LIPC: variants seen among roughly 807,000 people sequenced by gnomAD.
The protein encoded by LIPC is lipase C, hepatic type, also known as hepatic triacylglycerol lipase.
LIPC carries 44 observed loss-of-function variants against 50.7 expected under a neutral mutation model. The ratio of observed to expected loss-of-function variants is 0.87; its 90% confidence interval spans 0.68 to 1.11. LIPC has a LOEUF of 1.11. Among genes scored for constraint, LIPC ranks in the 50% most tolerant of loss-of-function variants. The pLI is 0.00. For missense variants in LIPC, 697 were observed against 648.2 expected, an observed-to-expected ratio of 1.08 and a Z score of -0.82; for synonymous variants, 271 against 256.4, an observed-to-expected ratio of 1.06 and a Z score of -0.54.
intron 1 of LIPC, among the ~76,000 whole-genome samples, chr15:58,493,721 T>A (rs1379238889): frequency 6.7e-6 from 1 of 148,570 alleles, no homozygotes; most frequent in African/African-American, 2.4e-5. Flanking sequence ...TATATTTGTA[T>A]ATGTGAAATA....
At chr15:58,542,795 T>C (rs548303798) in intron 4 of LIPC, 144 bp downstream of exon 4, 1 of 659,108 alleles carries the variant, frequency 1.5e-6, no homozygotes, top group East Asian at 2.9e-5. Context: ...TGTGACATTC[T>C]TTCAAACATG....
At chr15:58,462,167 G>A (rs141109000) in intron 1 of LIPC, among the ~76,000 whole-genome samples, 1 of 152,286 alleles carries the variant, frequency 6.6e-6, no homozygotes, top group Non-Finnish European at 1.5e-5. Flanking sequence ...ATTGTTGACT[G>A]CTTGTTCATA....
At chr15:58,438,995 C>T (rs1480327944) in intron 1 of LIPC, among the ~76,000 whole-genome samples, 2 of 152,212 alleles carry the variant, frequency 1.3e-5, no homozygotes, top group African/African-American at 2.4e-5. Flanking sequence ...TTGTCTACAG[C>T]GTTTTCACCT....
intron 1 of LIPC, among the ~76,000 whole-genome samples, chr15:58,489,781 C>T (rs2414581): frequency 0.089 from 13,580 of 152,180 alleles, 760 homozygotes; most frequent in Non-Finnish European, 0.13. Flanking sequence ...ACCTTCTGGC[C>T]TTTCACTGGT....
At chr15:58,562,974 A>G (rs1421955053) in intron 7 of LIPC, among the ~76,000 whole-genome samples, 5 of 152,236 alleles carry the variant, frequency 3.3e-5, no homozygotes, top group African/African-American at 7.2e-5. Context: ...AAAGCTGATC[A>G]TGATACCTCA....
chr15:58,517,117 C>A (rs1892508620), intron 1 of LIPC, among the ~76,000 whole-genome samples: 1 of 152,224 alleles, frequency 6.6e-6, no homozygotes, highest in Admixed American at 6.5e-5. Flanking sequence ...GACAAAATAT[C>A]CATGTCCCAC....
rs114127971 is a variant in LIPC at position 58,547,345 on chromosome 15, G to A, written c.809-985G>A. ...GATGTCTTGGAAGCTCAGTTTTCTC[G>A]TCGAAAACAGCGGCCTCAAGGAGCT... is the stretch of plus-strand genomic sequence containing the variant. On this transcript the variant is annotated intron_variant, in intron 5 of 8. Transcript: ENST00000299022. Among the ~76,000 whole-genome samples the A allele has an allele frequency of 2.2e-3, 328 of 152,276 alleles. 1 individual carries two copies. The highest frequency in any genetic ancestry group is 7.6e-3 in the African/African-American group (315 of 41,564).
At position 58,482,477 on chromosome 15, in the gene LIPC, A is replaced by T. The variant is rs141518847; in HGVS notation, c.88+50357A>T. ...ACCTGAGTCTTCAATAGTTGACCTA[A>T]CCTCTCTAGGTCTTATGGCTTCATC... On this transcript the variant is annotated intron_variant, in intron 1 of 8. Transcript: ENST00000299022. Among the ~76,000 whole-genome samples, 513 of 152,084 alleles carry T rather than the reference A, an allele frequency of 3.4e-3. 2 individuals carry two copies. Among genetic ancestry groups the T allele is most frequent in the African/African-American group, 9.8e-3 (406 of 41,482 alleles).
intron 1 of LIPC, among the ~76,000 whole-genome samples, chr15:58,482,465 A>G (rs1461298165): frequency 6.6e-6 from 1 of 152,196 alleles, no homozygotes; most frequent in Non-Finnish European, 1.5e-5. Context: ...TGAGTCTTCA[A>G]TAGTTGACCT....
At position 58,483,200 on chromosome 15, in the gene LIPC, G is replaced by A. The variant is rs116422997; in HGVS notation, c.88+51080G>A. Among the ~76,000 whole-genome samples the A allele has an allele frequency of 3.0e-3, 455 of 152,272 alleles. 3 individuals are homozygous for A. The highest frequency in any genetic ancestry group is 0.01 in the African/African-American group (418 of 41,534). ...ATTTTTAGCATTACTGAAATTCAAT[G>A]TAAATCACAGTGGCCATATAGAGTT... On this transcript the variant is annotated intron_variant, in intron 1 of 8. Transcript: ENST00000299022.
intron 1 of LIPC, among the ~76,000 whole-genome samples, chr15:58,514,888 T>C (rs1225491222): frequency 6.6e-6 from 1 of 152,244 alleles, no homozygotes; most frequent in African/African-American, 2.4e-5. Flanking sequence ...AACAAATTAC[T>C]ACAAATTTAA....
intron 4 of LIPC, among the ~76,000 whole-genome samples, chr15:58,543,639 AT>A (rs1269517459): frequency 2.0e-5 from 3 of 151,356 alleles, no homozygotes; most frequent in Admixed American, 6.6e-5. Context: ...AAGTGAGGAC[AT>A]TTTTTTTTCT....
chr15:58,455,323 C>T (rs372137647), intron 1 of LIPC, among the ~76,000 whole-genome samples: 2 of 152,208 alleles, frequency 1.3e-5, no homozygotes, highest in East Asian at 1.9e-4. Flanking sequence ...AGACAATAGA[C>T]ACACAAATGG....
chr15:58,505,986 A>T (rs1326555948), intron 1 of LIPC, among the ~76,000 whole-genome samples: 3 of 152,096 alleles, frequency 2.0e-5, no homozygotes, highest in African/African-American at 7.2e-5. Context: ...CTTTGGATAG[A>T]GGAATTCCAC....
At chr15:58,460,041 T>C (rs1894283000) in intron 1 of LIPC, among the ~76,000 whole-genome samples, 1 of 152,124 alleles carries the variant, frequency 6.6e-6, no homozygotes, top group Admixed American at 6.5e-5. Context: ...GCTGTATGGG[T>C]CCCGTACTGC....
intron 1 of LIPC, 24 bp downstream of exon 1, chr15:58,432,144 A>T: frequency 6.6e-7 from 1 of 1,519,290 alleles, no homozygotes; most frequent in Non-Finnish European, 9.1e-7. Flanking sequence ...TTTTCTCCAG[A>T]GATGGGCATG....
intron 1 of LIPC, among the ~76,000 whole-genome samples, chr15:58,518,669 C>G (rs1021509959): frequency 6.6e-6 from 1 of 152,190 alleles, no homozygotes; most frequent in African/African-American, 2.4e-5. Context: ...CATACCACAA[C>G]GTGGATGAAT....
intron 1 of LIPC, among the ~76,000 whole-genome samples, chr15:58,475,665 C>G (rs1890970624): frequency 6.6e-6 from 1 of 152,204 alleles, no homozygotes; most frequent in African/African-American, 2.4e-5. Context: ...ACCAGCAAAC[C>G]ACTAAACCGT....
At chr15:58,510,058 A>C (rs1892283974) in intron 1 of LIPC, among the ~76,000 whole-genome samples, 1 of 152,246 alleles carries the variant, frequency 6.6e-6, no homozygotes, top group South Asian at 2.1e-4. Flanking sequence ...GTACATGCGC[A>C]GAATTGTATT....
Sources: gnomAD v4.1 joint callset for allele counts (sites outside exome capture counted in the v4.1 genomes callset) on GRCh38, gnomAD v4.1.1 for gene constraint, MANE v1.5 for transcripts, NCBI Gene and HGNC (gene_info 2026-07-23, HGNC 2026-07-21) for gene names.